The following DNAH9 variants were observed in gnomAD, a reference collection of about 807,000 sequenced individuals.
The protein encoded by DNAH9 is DNAH9 variant protein.
Under a neutral mutation model 471.6 loss-of-function variants are expected in DNAH9, and 345 were observed. The observed-to-expected ratio is 0.73, with a 90% CI of 0.67 to 0.80. The LOEUF (loss-of-function observed/expected upper bound fraction) is 0.80. Ranked by LOEUF, DNAH9 falls within the 30% of genes least tolerant of loss-of-function variation. DNAH9 has a pLI of 0.00. For missense variants in DNAH9, 5,407 were observed against 5,609.2 expected (o/e 0.96, Z 1.15); for synonymous variants, 2,093 against 2,123.6 (o/e 0.99, Z 0.40).
chr17:11,615,715 A>C (rs1014392081), intron 4 of DNAH9, among the ~76,000 whole-genome samples: 1 of 152,204 alleles, frequency 6.6e-6, no homozygotes, highest in African/African-American at 2.4e-5. Flanking sequence ...GCTCTTAAAA[A>C]TCAAGGCAAT....
intron 67 of DNAH9, among the ~76,000 whole-genome samples, chr17:11,945,840 C>T (rs534200804): frequency 1.3e-5 from 2 of 151,366 alleles, no homozygotes; most frequent in South Asian, 4.2e-4. Context: ...AGCTGGATCA[C>T]GAGGTCAGGA....
intron 61 of DNAH9, among the ~76,000 whole-genome samples, chr17:11,918,711 C>T (rs903081344): frequency 3.3e-4 from 50 of 152,088 alleles, no homozygotes; most frequent in Non-Finnish European, 6.0e-4. Flanking sequence ...GAGGGCCGGG[C>T]GCAGTGGCTC....
chr17:11,673,483 A>G (rs73290842), intron 17 of DNAH9, among the ~76,000 whole-genome samples: 133 of 152,248 alleles, frequency 8.7e-4, no homozygotes, highest in African/African-American at 3.1e-3. Flanking sequence ...GCATATTGTC[A>G]TATTTGCCAC....
chr17:11,884,700 G>A (rs987371071), intron 56 of DNAH9: 9 of 385,854 alleles, frequency 2.3e-5, no homozygotes, highest in East Asian at 1.5e-4. Flanking sequence ...AGAGTCAGCC[G>A]AACATTGGGT....
At chr17:11,735,186 C>T (rs542249565) in intron 28 of DNAH9, among the ~76,000 whole-genome samples, 1 of 152,270 alleles carries the variant, frequency 6.6e-6, no homozygotes, top group African/African-American at 2.4e-5. Flanking sequence ...TCAACCTAAG[C>T]ACTATTGATG....
chr17:11,625,320 C>T (rs1255428526), intron 6 of DNAH9, among the ~76,000 whole-genome samples: 3 of 152,114 alleles, frequency 2.0e-5, no homozygotes, highest in African/African-American at 7.2e-5. Flanking sequence ...AATAAGCTGA[C>T]CTAATATCCA....
intron 7 of DNAH9, among the ~76,000 whole-genome samples, chr17:11,630,789 G>A (rs531023322): frequency 6.6e-6 from 1 of 152,200 alleles, no homozygotes; most frequent in African/African-American, 2.4e-5. Flanking sequence ...TTCTCACCAC[G>A]CACACAAAAA....
rs773842478 is a variant in DNAH9, at chr17:11,805,523, C to CTTTTTTTTTTT, written c.8421-2177_8421-2167dup. 5.4e-4 allele frequency among the ~76,000 whole-genome samples: 28 copies of CTTTTTTTTTTT among 52,090 alleles called. 4 individuals are homozygous for CTTTTTTTTTTT. The highest frequency in any genetic ancestry group is 6.5e-4 in the Non-Finnish European group (19 of 29,338). 34.2% of individuals were successfully genotyped at this position (52,090 alleles called of 152,430 possible). Reference sequence around the variant, plus strand: ...TATTTGGCCAAACTTTACCCGAGTTCTTTTTTTTTTTTTTTTTTTTTTTTT... The same window carrying CTTTTTTTTTTT: ...TATTTGGCCAAACTTTACCCGAGTTCTTTTTTTTTTTTTTTTTTTTTTTTTTTTTTTTTTTT... On this transcript the variant is annotated intron_variant, in intron 43 of 68. Transcript: ENST00000262442.
intron 26 of DNAH9, among the ~76,000 whole-genome samples, chr17:11,718,822 A>G (rs777183421): frequency 5.3e-5 from 8 of 152,212 alleles, no homozygotes; most frequent in Non-Finnish European, 1.0e-4. Context: ...CAGCTGAGGG[A>G]GCCTCTGCTC....
chr17:11,646,963 G>A, intron 11 of DNAH9, 109 bp from the exon 12 acceptor site: 1 of 1,111,470 alleles, frequency 9.0e-7, no homozygotes, highest in South Asian at 1.6e-5. Context: ...GACCCAGCCT[G>A]GTTGGGTCAA....
Position 11,871,718 on chromosome 17 carries a change from TTC to T in DNAH9, c.10176_10177del (p.Phe3393HisfsTer39). 6.2e-7 allele frequency: 1 copy of T among 1,614,230 alleles called. No homozygotes were observed. Among genetic ancestry groups the T allele is most frequent in the Non-Finnish European group, 8.5e-7 (1 of 1,180,040 alleles). ...AACGGCTTTCATTTCCTACCTTGGC[TTC>T]TTCACAAAGAAATACCGGCAGAGCC... is the stretch of plus-strand genomic sequence containing the variant. ...LITAFISYLG[F>X]FTKKYRQSLL... On this transcript the variant is annotated frameshift_variant, in exon 52 of 69. Coordinates refer to ENST00000262442, the MANE Select transcript of DNAH9 (RefSeq NM_001372.4). LOFTEE classifies it high-confidence loss of function.
chr17:11,763,787 G>T (rs573744497), intron 36 of DNAH9, among the ~76,000 whole-genome samples, 173 bp downstream of exon 36: 1 of 152,196 alleles, frequency 6.6e-6, no homozygotes, highest in Admixed American at 6.5e-5. Context: ...GTCCTAGCCA[G>T]ACCTCATAGG....
intron 65 of DNAH9, among the ~76,000 whole-genome samples, chr17:11,935,411 T>C (rs1974675002): frequency 6.6e-6 from 1 of 150,906 alleles, no homozygotes; most frequent in South Asian, 2.1e-4. Context: ...AGTCTCACTC[T>C]GTCACCCAGG....
At chr17:11,963,304 C>T (rs1202053516) in intron 68 of DNAH9, among the ~76,000 whole-genome samples, 2 of 152,022 alleles carry the variant, frequency 1.3e-5, no homozygotes, top group Non-Finnish European at 2.9e-5. Flanking sequence ...CATGGTGGTG[C>T]ATGCCTGTTA....
rs2074677043 is a variant in DNAH9, at chr17:11,705,124, T to C, written c.5491T>C (p.Leu1831=). ...TGCCAACATCTGTGATGCCCAGTTT[T>C]TGTATTCCTATGAGTACCTGGGAAA... ...CFANICDAQF[L]YSYEYLGNTP... The change falls in exon 26 of 69, where the codon TTG becomes CTG. Residue 1831 remains leucine, a synonymous_variant. Transcript: ENST00000262442. 1 of 1,614,230 alleles carries C rather than the reference T, an allele frequency of 6.2e-7. No individual in the cohort carries two copies.
intron 4 of DNAH9, chr17:11,612,611 C>T (rs1597389422): frequency 6.6e-6 from 1 of 152,308 alleles, no homozygotes; most frequent in East Asian, 1.9e-4. Context: ...GAGCACCAGA[C>T]AAGATCTACG....
chr17:11,702,073 A>G (rs2074611123), intron 24 of DNAH9, among the ~76,000 whole-genome samples: 1 of 152,242 alleles, frequency 6.6e-6, no homozygotes, highest in Non-Finnish European at 1.5e-5. Context: ...AGCATATGAT[A>G]TGAAAGCTGA....
At chr17:11,624,407 G>T (rs2072932439) in intron 6 of DNAH9, among the ~76,000 whole-genome samples, 1 of 152,160 alleles carries the variant, frequency 6.6e-6, no homozygotes, top group African/African-American at 2.4e-5. Context: ...CACCCAGGAG[G>T]CTGAGGCAGG....
chr17:11,637,950 A>G (rs2073194801), intron 9 of DNAH9, among the ~76,000 whole-genome samples: 1 of 152,134 alleles, frequency 6.6e-6, no homozygotes, highest in African/African-American at 2.4e-5. Flanking sequence ...AGTAAAGCAG[A>G]GGAGACAAAG....
Sources: allele counts gnomAD v4.1 joint callset (sites outside exome capture counted in the v4.1 genomes callset), GRCh38; gene constraint gnomAD v4.1.1; transcripts MANE v1.5; gene names NCBI Gene and HGNC (gene_info 2026-07-23, HGNC 2026-07-21).